The following CDH13 variants were observed in gnomAD, a reference collection of about 807,000 sequenced individuals.
CDH13 encodes cadherin-13.
Under a neutral mutation model 63.8 loss-of-function variants are expected in CDH13, and 24 were observed. The ratio of observed to expected loss-of-function variants is 0.38; its 90% CI spans 0.27 to 0.53. The LOEUF (loss-of-function observed/expected upper bound fraction) is 0.53, where lower values mean the gene tolerates loss of function less well. Ranked by LOEUF, CDH13 falls within the 20% of genes least tolerant of loss-of-function variation. The pLI is 0.85. For missense variants in CDH13, 1,049 were observed against 903.1 expected, an observed-to-expected ratio of 1.16 and a Z score of -2.07; for synonymous variants, 503 against 355.3, an observed-to-expected ratio of 1.42 and a Z score of -4.67.
At chr16:83,600,980 T>C (rs530552501) in intron 7 of CDH13, among the ~76,000 whole-genome samples, 1 of 152,120 alleles carries the variant, frequency 6.6e-6, no homozygotes, top group East Asian at 1.9e-4. Flanking sequence ...CTCCTCTAGC[T>C]CCCCCTGCCA....
chr16:82,933,934 C>T (rs185987469), intron 2 of CDH13, among the ~76,000 whole-genome samples: 4 of 152,336 alleles, frequency 2.6e-5, no homozygotes, highest in East Asian at 1.9e-4. Flanking sequence ...GGGTACAGCC[C>T]TCCTCCTGGC....
chr16:83,652,474 T>G (rs2150822441), intron 8 of CDH13, among the ~76,000 whole-genome samples: 1 of 152,062 alleles, frequency 6.6e-6, no homozygotes. Flanking sequence ...GTCTGTGTAG[T>G]TTCTCCATTA....
At chr16:83,090,022 G>A (rs1409555345) in intron 3 of CDH13, among the ~76,000 whole-genome samples, 1 of 152,068 alleles carries the variant, frequency 6.6e-6, no homozygotes, top group Non-Finnish European at 1.5e-5. Context: ...TAACATGAAT[G>A]GGTTCTCAAA....
At chr16:83,100,785 T>C (rs1409757720) in intron 3 of CDH13, among the ~76,000 whole-genome samples, 3 of 152,178 alleles carry the variant, frequency 2.0e-5, no homozygotes, top group African/African-American at 7.2e-5. Flanking sequence ...GGGTATACAC[T>C]TGCAGCACCC....
At chr16:83,179,628 G>C (rs535273656) in intron 4 of CDH13, among the ~76,000 whole-genome samples, 24 of 150,458 alleles carry the variant, frequency 1.6e-4, no homozygotes, top group African/African-American at 5.1e-4. Flanking sequence ...CTCCAGCCTG[G>C]GCTACAGAGC....
rs376340147 is a variant in CDH13, at chr16:82,689,714, CAG to C, written c.45+62580_45+62581del. Reference sequence around the variant, plus strand: ...AGTATTGTAAAGGGACTCCTGTCCTCAGAGTGCCAGGCCTCACATTTACATTC... The same window carrying C: ...AGTATTGTAAAGGGACTCCTGTCCTCAGTGCCAGGCCTCACATTTACATTC... On this transcript the variant is annotated intron_variant, in intron 1 of 13. Transcript: ENST00000567109. Among the ~76,000 whole-genome samples the C allele has an allele frequency of 3.1e-3, 472 of 152,172 alleles. 3 individuals carry two copies. Among genetic ancestry groups the C allele is most frequent in the African/African-American group, 0.011 (457 of 41,526 alleles).
intron 2 of CDH13, among the ~76,000 whole-genome samples, chr16:82,899,635 G>A (rs1567643051): frequency 6.6e-6 from 1 of 152,098 alleles, no homozygotes. Flanking sequence ...TTTGGAGTAT[G>A]CATGGATTTG....
At chr16:82,656,843 C>A (rs371962057) in intron 1 of CDH13, among the ~76,000 whole-genome samples, 1 of 151,886 alleles carries the variant, frequency 6.6e-6, no homozygotes, top group East Asian at 1.9e-4. Flanking sequence ...TAGTATGTAG[C>A]CTTTTCAAAT....
intron 2 of CDH13, among the ~76,000 whole-genome samples, chr16:83,010,311 G>T (rs968751671): frequency 6.6e-6 from 1 of 151,932 alleles, no homozygotes; most frequent in Non-Finnish European, 1.5e-5. Context: ...GGTCAGAGAG[G>T]TTAACACTAT....
At chr16:83,339,604 G>A (rs535817622) in intron 5 of CDH13, among the ~76,000 whole-genome samples, 42 of 152,204 alleles carry the variant, frequency 2.8e-4, no homozygotes, top group African/African-American at 6.5e-4. Flanking sequence ...CTCAGGGCCC[G>A]GATCTGGTGT....
At chr16:83,321,266 T>C (rs949154531) in intron 5 of CDH13, among the ~76,000 whole-genome samples, 4 of 152,198 alleles carry the variant, frequency 2.6e-5, no homozygotes, top group African/African-American at 9.7e-5. Flanking sequence ...GTTGATTTCC[T>C]TTTACACCAC....
chr16:82,755,438 G>C (rs929060554), intron 1 of CDH13, among the ~76,000 whole-genome samples: 9 of 152,248 alleles, frequency 5.9e-5, no homozygotes, highest in African/African-American at 2.2e-4. Flanking sequence ...TGAAGCTGAA[G>C]TCTCTGAGGA....
At chr16:83,171,759 C>T (rs978260201) in intron 4 of CDH13, among the ~76,000 whole-genome samples, 1 of 152,116 alleles carries the variant, frequency 6.6e-6, no homozygotes, top group African/African-American at 2.4e-5. Context: ...TGTATGTTTT[C>T]AGGTAGTATT....
At chr16:83,513,385 C>G (rs1435067715) in intron 7 of CDH13, among the ~76,000 whole-genome samples, 2 of 151,942 alleles carry the variant, frequency 1.3e-5, no homozygotes, top group Admixed American at 1.3e-4. Flanking sequence ...GATCGTGGGC[C>G]TGGAAAACTT....
intron 5 of CDH13, among the ~76,000 whole-genome samples, chr16:83,307,555 A>G (rs1163003237): frequency 6.6e-6 from 1 of 152,228 alleles, no homozygotes. Flanking sequence ...CAGGGCCAGG[A>G]AAGCTCTATT....
intron 6 of CDH13, among the ~76,000 whole-genome samples, chr16:83,403,703 C>G (rs942332259): frequency 2.0e-5 from 3 of 152,052 alleles, no homozygotes; most frequent in African/African-American, 7.2e-5. Context: ...AGTATAATTT[C>G]CAGGCTATCT....
intron 2 of CDH13, among the ~76,000 whole-genome samples, chr16:83,014,774 A>ATT (rs1394588994): frequency 6.6e-4 from 24 of 36,294 alleles, no homozygotes; most frequent in South Asian, 3.1e-3. Flanking sequence ...ATATATATAT[A>ATT]TGTATATATA....
intron 2 of CDH13, chr16:82,954,769 A>C (rs1435881397): frequency 6.6e-6 from 1 of 150,754 alleles, no homozygotes; most frequent in East Asian, 1.9e-4. Context: ...AAAAAACACT[A>C]TCCTGAGTCA....
chr16:83,741,500 A>ATGTG (rs1555523570), intron 10 of CDH13, among the ~76,000 whole-genome samples: 10 of 149,724 alleles, frequency 6.7e-5, no homozygotes, highest in African/African-American at 1.5e-4. Flanking sequence ...ATATATATAT[A>ATGTG]TGTGTGTGTG....
Sources: gnomAD v4.1 joint callset for allele counts (sites outside exome capture counted in the v4.1 genomes callset) on GRCh38, gnomAD v4.1.1 for gene constraint, MANE v1.5 for transcripts, NCBI Gene and HGNC (gene_info 2026-07-23, HGNC 2026-07-21) for gene names.